Variants in EIF4E3 observed in about 807,000 individuals in gnomAD.
EIF4E3 encodes the protein eukaryotic translation initiation factor 4E family member 3.
A neutral mutation model predicts 31.7 loss-of-function variants in EIF4E3; 26 were observed. That is an observed-to-expected ratio of 0.82 (90% CI 0.60 to 1.14). EIF4E3 has a LOEUF of 1.14. Ranked by LOEUF, EIF4E3 falls within the 50% of genes most tolerant of loss-of-function variation. The pLI is 0.00. For synonymous variants in EIF4E3, 128 were observed against 107.7 expected (o/e 1.19, Z -1.17); for missense variants, 304 against 270.9 (o/e 1.12, Z -0.86).
intron 1 of EIF4E3, among the ~76,000 whole-genome samples, chr3:71,719,961 T>A (rs887139668): frequency 2.0e-5 from 3 of 151,744 alleles, no homozygotes; most frequent in Non-Finnish European, 4.4e-5. Context: ...CTATAATGAG[T>A]CATGACTGCG....
chr3:71,666,287 C>A, the EIF4E3 span, among the ~76,000 whole-genome samples: 1 of 152,234 alleles, frequency 6.6e-6, no homozygotes, highest in African/African-American at 2.4e-5. Flanking sequence ...CACAGAAATA[C>A]AAACTACCGT....
chr3:71,727,651 G>A (rs2049655539), upstream of EIF4E3, among the ~76,000 whole-genome samples: 1 of 152,200 alleles, frequency 6.6e-6, no homozygotes, highest in Admixed American at 6.5e-5. Context: ...AAATTGCTTT[G>A]CAAAGTGGTT....
At chr3:71,726,875 T>G (rs906705775), upstream of EIF4E3, among the ~76,000 whole-genome samples, 1 of 152,220 alleles carries the variant, frequency 6.6e-6, no homozygotes, top group Non-Finnish European at 1.5e-5. Context: ...TCTTGTTGCT[T>G]AATATCTCCT....
At chr3:71,734,904 T>A (rs2049745525) in intron 1 of EIF4E3, among the ~76,000 whole-genome samples, 1 of 152,196 alleles carries the variant, frequency 6.6e-6, no homozygotes, top group Non-Finnish European at 1.5e-5. Context: ...GGAGGTGAAT[T>A]CACCTCTAAA....
At chr3:71,710,039 C>G (rs1395284219) in intron 2 of EIF4E3, among the ~76,000 whole-genome samples, 2 of 150,016 alleles carry the variant, frequency 1.3e-5, no homozygotes. Flanking sequence ...GCCACTGCCT[C>G]TCACTGATGG....
intron 6 of EIF4E3, among the ~76,000 whole-genome samples, chr3:71,689,338 C>G (rs2049032436): frequency 6.6e-6 from 1 of 152,142 alleles, no homozygotes; most frequent in Non-Finnish European, 1.5e-5. Context: ...GACCTGCAGT[C>G]TGATCTACCA....
intron 1 of EIF4E3, among the ~76,000 whole-genome samples, chr3:71,752,298 C>T (rs577399189): frequency 6.6e-6 from 1 of 152,184 alleles, no homozygotes; most frequent in African/African-American, 2.4e-5. Context: ...GTTTGAGGCT[C>T]TGGACTAGGT....
At chr3:71,738,093 C>A (rs911097941) in intron 1 of EIF4E3, among the ~76,000 whole-genome samples, 2 of 152,210 alleles carry the variant, frequency 1.3e-5, no homozygotes, top group Non-Finnish European at 2.9e-5. Context: ...AGTTAAAGAA[C>A]AACACAGCAA....
intron 1 of EIF4E3, among the ~76,000 whole-genome samples, chr3:71,751,014 G>A (rs556995378): frequency 2.4e-4 from 36 of 152,004 alleles, no homozygotes; most frequent in East Asian, 1.2e-3. Context: ...CACCCGCCTC[G>A]GCCTCCCAAA....
the EIF4E3 span, among the ~76,000 whole-genome samples, chr3:71,666,766 G>A: frequency 9.2e-5 from 14 of 152,054 alleles, no homozygotes; most frequent in African/African-American, 2.9e-4. Flanking sequence ...GTGAAACCCC[G>A]TCTCTACTAA....
rs2049042304 is a variant in EIF4E3, at chr3:71,690,058, T to A, written c.580A>T (p.Ile194Phe). The change falls in exon 6 of 7, where the codon ATC becomes TTC. Residue 194 changes from isoleucine (I) to phenylalanine (F), a missense_variant. Transcript: ENST00000425534. ...GTTATGTGGGGCAGAAGTTCATAGA[T>A]CTTTTCTAAAACAGTCGCTTCACCC... ...LVGEATVLEK[I>F]YELLPHITFK... 1 of 1,613,644 alleles carries A rather than the reference T, an allele frequency of 6.2e-7. No individual in the cohort carries two copies. Among genetic ancestry groups the A allele is most frequent in the Non-Finnish European group, 8.5e-7 (1 of 1,179,894 alleles).
intron 2 of EIF4E3, among the ~76,000 whole-genome samples, chr3:71,709,436 G>A (rs2049343400): frequency 6.6e-6 from 1 of 152,152 alleles, no homozygotes; most frequent in South Asian, 2.1e-4. Flanking sequence ...CTGGAGTGCA[G>A]TAGTGTGAAC....
intron 3 of EIF4E3, among the ~76,000 whole-genome samples, chr3:71,698,725 T>C (rs1197007423): frequency 6.6e-6 from 1 of 152,192 alleles, no homozygotes; most frequent in Non-Finnish European, 1.5e-5. Flanking sequence ...ATGGTAAACT[T>C]ACAGGGTGTA....
rs1327030358 is a variant in EIF4E3 at position 71,683,736 on chromosome 3, A to T, written c.*946T>A. 6.6e-6 allele frequency: 1 copy of T among 152,244 alleles called. No individual in the cohort carries two copies. Among genetic ancestry groups the T allele is most frequent in the Non-Finnish European group, 1.5e-5 (1 of 68,054 alleles). 9.4% of individuals were successfully genotyped at this position (152,244 alleles called of 1,614,324 possible). ...GAAATGACACACAATGTGAGCAGGG[A>T]AAGGGATCATTTAACAAAATGTGTT... On this transcript the variant is annotated 3_prime_UTR_variant, in exon 7 of 7. Coordinates refer to ENST00000425534, the MANE Select transcript of EIF4E3 (RefSeq NM_001134651.2).
chr3:71,686,836 T>C (rs974614768), intron 6 of EIF4E3, among the ~76,000 whole-genome samples: 2 of 152,106 alleles, frequency 1.3e-5, no homozygotes, highest in Admixed American at 1.3e-4. Context: ...ACATTCAGAA[T>C]TGGGAGTGCC....
chr3:71,725,465 C>CGCG, upstream of EIF4E3: 10 of 693,806 alleles, frequency 1.4e-5, no homozygotes, highest in Non-Finnish European at 1.8e-5. The surrounding 1 kb of genome is among the most constrained non-coding windows in gnomAD (Gnocchi z 6.1). Flanking sequence ...CCCGCGCGCC[C>CGCG]CGCCCCGCCC....
chr3:71,716,631 G>C (rs13064137), intron 1 of EIF4E3, among the ~76,000 whole-genome samples: 11,687 of 152,148 alleles, frequency 0.077, 520 homozygotes, highest in Non-Finnish European at 0.099. Flanking sequence ...CTTTTATCCT[G>C]ATTAAAACAC....
intron 1 of EIF4E3, among the ~76,000 whole-genome samples, chr3:71,737,220 A>G (rs2049772870): frequency 1.3e-5 from 2 of 152,230 alleles, no homozygotes; most frequent in Admixed American, 1.3e-4. Context: ...AGGAAACTTT[A>G]GGAAAAGTTT....
chr3:71,752,667 A>G (rs2049942908), intron 1 of EIF4E3, among the ~76,000 whole-genome samples: 2 of 152,248 alleles, frequency 1.3e-5, no homozygotes, highest in Admixed American at 6.5e-5. Flanking sequence ...CTTGCCTTCA[A>G]AGAGCTTAGA....
Sources: allele counts gnomAD v4.1 joint callset (sites outside exome capture counted in the v4.1 genomes callset), GRCh38; gene constraint gnomAD v4.1.1; non-coding constraint Gnocchi (gnomAD v3.1); transcripts MANE v1.5; gene names NCBI Gene and HGNC (gene_info 2026-07-23, HGNC 2026-07-21).